EHBP1: variants seen among roughly 807,000 people sequenced by gnomAD.
EHBP1 encodes the protein EH domain binding protein 1, also known as EH domain-binding protein 1.
A neutral mutation model predicts 144.0 loss-of-function variants in EHBP1; 55 were observed. The ratio of observed to expected loss-of-function variants is 0.38; its 90% CI spans 0.31 to 0.48. EHBP1 has a LOEUF of 0.48. Ranked by LOEUF, EHBP1 falls within the 20% of genes least tolerant of loss-of-function variation. EHBP1 has a pLI of 0.98. For missense variants in EHBP1, 1,200 were observed against 1,364.2 expected (o/e 0.88, Z 1.90); for synonymous variants, 469 against 472.7 (o/e 0.99, Z 0.10).
chr2:62,731,011 A>G (rs1425429578), intron 2 of EHBP1, among the ~76,000 whole-genome samples: 1 of 150,928 alleles, frequency 6.6e-6, no homozygotes, highest in Admixed American at 6.6e-5. Flanking sequence ...CAAATTGGGA[A>G]GAACTGCATC....
chr2:62,690,826 T>A (rs1329667844), intron 1 of EHBP1, among the ~76,000 whole-genome samples: 2 of 152,152 alleles, frequency 1.3e-5, no homozygotes, highest in South Asian at 2.1e-4. Flanking sequence ...AAGGAAGGAT[T>A]TTGCCCTCTC....
At chr2:62,986,593 C>A (rs1226604581) in intron 15 of EHBP1, among the ~76,000 whole-genome samples, 1 of 151,964 alleles carries the variant, frequency 6.6e-6, no homozygotes, top group Non-Finnish European at 1.5e-5. Context: ...CGCACACCAC[C>A]ACACCCGGCT....
At position 62,695,348 on chromosome 2, in the gene EHBP1, G is replaced by A. The variant is rs532699178; in HGVS notation, c.-295-11549G>A. On this transcript the variant is annotated intron_variant, in intron 1 of 22. Coordinates refer to the EHBP1 transcript ENST00000405015. ...TGCACTCTACTCCGGATGACAGAGC[G>A]AGACTCTGTCTCAAAAAGAGAAAAA... 3.3e-5 allele frequency among the ~76,000 whole-genome samples: 5 copies of A among 152,158 alleles called. No individual in the cohort carries two copies. In the South Asian group the frequency reaches 8.3e-4, roughly 25 times the overall value.
At chr2:62,903,389 C>G (rs995467262) in intron 10 of EHBP1, among the ~76,000 whole-genome samples, 3 of 151,866 alleles carry the variant, frequency 2.0e-5, no homozygotes, top group Non-Finnish European at 4.4e-5. Flanking sequence ...TGAATCCATG[C>G]AAGAAGATTG....
chr2:62,748,036 T>A (rs2039322509), intron 3 of EHBP1, among the ~76,000 whole-genome samples: 1 of 152,122 alleles, frequency 6.6e-6, no homozygotes, highest in African/African-American at 2.4e-5. Flanking sequence ...GTCTGCGGCA[T>A]GTTGTTACAC....
intron 15 of EHBP1, among the ~76,000 whole-genome samples, chr2:62,982,598 G>A (rs182663437): frequency 6.6e-6 from 1 of 152,270 alleles, no homozygotes; most frequent in Non-Finnish European, 1.5e-5. Flanking sequence ...TTGCTAAGGA[G>A]TAGTGTGAAA....
chr2:62,926,394 C>T (rs2055512712), intron 10 of EHBP1, among the ~76,000 whole-genome samples: 1 of 152,118 alleles, frequency 6.6e-6, no homozygotes, highest in African/African-American at 2.4e-5. Flanking sequence ...AGTGAAAAGA[C>T]AACCTACAGA....
chr2:62,707,103 A>C lies in EHBP1; in HGVS notation c.-89A>C. On this transcript the variant is annotated 5_prime_UTR_variant, in exon 2 of 23. An upstream start codon of the reference 5' UTR is lost. Coordinates refer to ENST00000431489, the MANE Select transcript of EHBP1 (RefSeq NM_001142616.3). ...GTAGTTGAGTTTTTAAAAGACATAC[A>C]TGCAAAGTTCCTTTGCTTTGGACCC... 7.1e-6 allele frequency: 7 copies of C among 985,208 alleles called. No homozygotes were observed. The highest frequency in any genetic ancestry group is 1.1e-5 in the Non-Finnish European group (7 of 618,046). The allele number at this position is 985,208 out of a possible 1,614,324, so 61.0% of individuals were successfully genotyped here. A position where few individuals can be genotyped will look rare whatever the true frequency, so the allele number is the denominator to read the frequency against.
chr2:62,844,644 A>T (rs2048165332), intron 7 of EHBP1, among the ~76,000 whole-genome samples: 3 of 152,172 alleles, frequency 2.0e-5, no homozygotes. Context: ...CACCAACAGG[A>T]AGAAAAATAA....
chr2:62,694,363 ATATCT>A (rs1197923138), intron 1 of EHBP1, among the ~76,000 whole-genome samples: 2 of 152,158 alleles, frequency 1.3e-5, no homozygotes, highest in Non-Finnish European at 2.9e-5. Flanking sequence ...TTTAGGAATG[ATATCT>A]TATATCTTAC....
rs1384727488 is a variant in EHBP1, at chr2:62,881,443, G to C, written c.1185+6911G>C. On this transcript the variant is annotated intron_variant, in intron 10 of 22. Transcript: ENST00000431489. ...GAAAAAAAAAAAAAAAAAAAAAGAA[G>C]GAAAGGAAAGGGAAAGGAAGGGGAA... Among the ~76,000 whole-genome samples, 8 of 138,164 alleles carry C rather than the reference G, an allele frequency of 5.8e-5. No homozygotes were observed. In the South Asian group the frequency reaches 1.8e-3, roughly 31 times the overall value. The allele number at this position is 138,164 out of a possible 152,430, so 90.6% of individuals were successfully genotyped here.
At chr2:62,751,990 C>A (rs571455805) in intron 3 of EHBP1, among the ~76,000 whole-genome samples, 5 of 150,942 alleles carry the variant, frequency 3.3e-5, no homozygotes, top group African/African-American at 9.7e-5. Context: ...TCCTTCAGTT[C>A]TTCTCTGATC....
intron 21 of EHBP1, among the ~76,000 whole-genome samples, chr2:63,039,333 A>G (rs2061568110): frequency 6.6e-6 from 1 of 152,218 alleles, no homozygotes; most frequent in Admixed American, 6.5e-5. Flanking sequence ...CATGCTTTTC[A>G]TAAAGCTTTT....
intron 10 of EHBP1, among the ~76,000 whole-genome samples, chr2:62,941,071 A>C (rs2056729851): frequency 6.6e-6 from 1 of 152,204 alleles, no homozygotes; most frequent in Non-Finnish European, 1.5e-5. Context: ...CAATACCTTA[A>C]TAATATAATT....
intron 10 of EHBP1, chr2:62,940,012 G>A: frequency 3.0e-6 from 1 of 338,500 alleles, no homozygotes; most frequent in Non-Finnish European, 5.8e-6. Context: ...ACCAGCTGCA[G>A]TATAAAAATC....
At chr2:62,727,151 G>A (rs915237494) in intron 2 of EHBP1, among the ~76,000 whole-genome samples, 2 of 152,184 alleles carry the variant, frequency 1.3e-5, no homozygotes, top group African/African-American at 4.8e-5. Context: ...GTGAGCCACT[G>A]CGCCCGGCCT....
chr2:62,840,464 G>A (rs1194824496), intron 7 of EHBP1, among the ~76,000 whole-genome samples: 3 of 147,252 alleles, frequency 2.0e-5, no homozygotes, highest in African/African-American at 7.5e-5. Context: ...AAAAGCAATG[G>A]CAACAAAAGA....
intron 4 of EHBP1, 148 bp downstream of exon 4, chr2:62,764,509 T>G (rs2041020116): frequency 2.0e-6 from 1 of 494,728 alleles, no homozygotes; most frequent in Non-Finnish European, 3.4e-6. Context: ...TTTATAACAA[T>G]GCAAAGGAAT....
chr2:62,808,033 A>G (rs1197130923), intron 5 of EHBP1, among the ~76,000 whole-genome samples: 1 of 151,448 alleles, frequency 6.6e-6, no homozygotes, highest in East Asian at 1.9e-4. Flanking sequence ...AACCTGGCCG[A>G]CAAAGTGAGA....
Sources: allele counts gnomAD v4.1 joint callset (sites outside exome capture counted in the v4.1 genomes callset), GRCh38; gene constraint gnomAD v4.1.1; transcripts MANE v1.5; gene names NCBI Gene and HGNC (gene_info 2026-07-23, HGNC 2026-07-21).